SARNP: variants seen among roughly 807,000 people sequenced by gnomAD.
SARNP encodes SAP domain containing ribonucleoprotein, also known as SAP domain-containing ribonucleoprotein.
SARNP carries 5 observed loss-of-function variants against 38.1 expected under a neutral mutation model. The ratio of observed to expected loss-of-function variants is 0.13; its 90% CI spans 0.07 to 0.28. SARNP has a LOEUF of 0.28. Among genes scored for constraint, SARNP ranks in the 10% least tolerant of loss-of-function variants. The probability of loss-of-function intolerance (pLI) is 1.00; values close to 1 mark genes in which losing one functional copy is unlikely to be tolerated. For missense variants in SARNP, 180 were observed against 243.9 expected (o/e 0.74, Z 1.75); for synonymous variants, 84 against 80.6 (o/e 1.04, Z -0.23).
At chr12:55,790,929 C>T (rs1382205792) in intron 7 of SARNP, among the ~76,000 whole-genome samples, 1 of 151,992 alleles carries the variant, frequency 6.6e-6, no homozygotes, top group African/African-American at 2.4e-5. Context: ...TCATATTAGA[C>T]AAAAAGTTAA....
chr12:55,780,889 GT>G (rs2136189452), intron 9 of SARNP, among the ~76,000 whole-genome samples: 1 of 152,280 alleles, frequency 6.6e-6, no homozygotes, highest in African/African-American at 2.4e-5. Context: ...TAAACTGTTT[GT>G]TTCTGGAATT....
chr12:55,771,408 T>C (rs1274855843), intron 9 of SARNP, among the ~76,000 whole-genome samples: 3 of 152,198 alleles, frequency 2.0e-5, no homozygotes, highest in Non-Finnish European at 4.4e-5. Flanking sequence ...TGGATTCAAA[T>C]AAGAAACATC....
At chr12:55,792,261 A>G (rs1266933920) in intron 7 of SARNP, among the ~76,000 whole-genome samples, 1 of 152,212 alleles carries the variant, frequency 6.6e-6, no homozygotes, top group Non-Finnish European at 1.5e-5. Context: ...ACACTACAAG[A>G]AGATCTCTGG....
chr12:55,794,310 A>G, intron 7 of SARNP, 49 bp downstream of exon 7: 1 of 1,503,692 alleles, frequency 6.7e-7, no homozygotes, highest in Non-Finnish European at 9.2e-7. Flanking sequence ...TATACCAGAA[A>G]AGAAAGAATA....
In SARNP at chr12:55,814,126, G is replaced by A. The variant is rs541433059; in HGVS notation, c.36+3540C>T. 4.6e-5 allele frequency among the ~76,000 whole-genome samples: 7 copies of A among 152,200 alleles called. No homozygotes were observed. The East Asian group carries it at 9.7e-4, about 21-fold the overall frequency. On this transcript the variant is annotated intron_variant, in intron 1 of 10. Coordinates refer to ENST00000336133, the MANE Select transcript of SARNP (RefSeq NM_033082.4). ...GAGTTAGTAACTATGCTGGAGAGAC[G>A]GGCAGGGATATAATTTAAAGGTTTT... is the stretch of plus-strand genomic sequence containing the variant.
At chr12:55,800,451 GAAAGGA>G (rs1879944307) in intron 4 of SARNP, 105 bp downstream of exon 4, 1 of 768,534 alleles carries the variant, frequency 1.3e-6, no homozygotes, top group Non-Finnish European at 2.1e-6. Context: ...GACCTAATCA[GAAAGGA>G]AAAGGCCAAT....
At chr12:55,762,305 C>CTTT (rs199874808) in intron 9 of SARNP, among the ~76,000 whole-genome samples, 4 of 137,292 alleles carry the variant, frequency 2.9e-5, no homozygotes, top group African/African-American at 1.1e-4. Flanking sequence ...TTCAAACAAA[C>CTTT]TTTTTTTTTT....
At chr12:55,760,509 T>C (rs1429234158) in intron 10 of SARNP, 42 bp downstream of exon 10, 2 of 1,065,656 alleles carry the variant, frequency 1.9e-6, no homozygotes, top group East Asian at 2.4e-5. Flanking sequence ...TTCACTCTAA[T>C]TTCCCTTCAA....
chr12:55,802,162 T>C (rs528143586), intron 2 of SARNP, among the ~76,000 whole-genome samples: 2 of 152,218 alleles, frequency 1.3e-5, no homozygotes, highest in Non-Finnish European at 2.9e-5. Context: ...AGAACCCTTA[T>C]GTACTAGTAA....
chr12:55,777,967 T>C (rs1448232110), intron 9 of SARNP, among the ~76,000 whole-genome samples: 2 of 152,140 alleles, frequency 1.3e-5, no homozygotes, highest in Non-Finnish European at 2.9e-5. Flanking sequence ...ATTGACATCA[T>C]TGATTGGAAC....
At position 55,794,982 on chromosome 12, in the gene SARNP, A is replaced by G. The variant is rs1000670345; in HGVS notation, c.304-102T>C. The G allele has an allele frequency of 1.6e-5, 10 of 619,924 alleles. No individual in the cohort carries two copies. In the East Asian group the frequency reaches 2.4e-4, roughly 15 times the overall value. The allele number at this position is 619,924 out of a possible 1,614,324, so 38.4% of individuals were successfully genotyped here. On this transcript the variant is annotated intron_variant, in intron 5 of 10. Coordinates refer to ENST00000336133, the MANE Select transcript of SARNP (RefSeq NM_033082.4). ...TAAAAAAAAAAAAAAAAAAAAAAAAAAGAGTCTCACTCTGTCCCCCAGCCT... is the reference window on the plus strand; with the variant it reads ...TAAAAAAAAAAAAAAAAAAAAAAAAGAGAGTCTCACTCTGTCCCCCAGCCT...
chr12:55,761,642 A>G (rs1878678658), intron 9 of SARNP: 1 of 152,190 alleles, frequency 6.6e-6, no homozygotes, highest in Non-Finnish European at 1.5e-5. Context: ...ATTCATGTCC[A>G]ACACTGCTCA....
At chr12:55,789,178 A>G (rs2136194100) in intron 8 of SARNP, 35 bp from the exon 9 acceptor site, 2 of 1,471,050 alleles carry the variant, frequency 1.4e-6, no homozygotes, top group Middle Eastern at 1.8e-4. Context: ...ATAGTTTTAA[A>G]AAATCAAAAC....
chr12:55,797,328 G>C lies in SARNP; in HGVS notation c.252-1252C>G, dbSNP rs181088512. Among the ~76,000 whole-genome samples, 226 of 152,272 alleles carry C rather than the reference G, an allele frequency of 1.5e-3. 2 individuals carry two copies. Among genetic ancestry groups the C allele is most frequent in the African/African-American group, 5.3e-3 (219 of 41,556 alleles). On this transcript the variant is annotated intron_variant, in intron 4 of 10. Transcript: ENST00000336133. ...GATATGTAACCGCTTTAGCTGGTTG[G>C]GGGTTGGGAATCAAACTAGAAACAG...
intron 9 of SARNP, among the ~76,000 whole-genome samples, chr12:55,780,857 A>G (rs1879321940): frequency 6.6e-6 from 1 of 152,230 alleles, no homozygotes; most frequent in South Asian, 2.1e-4. Flanking sequence ...GCTACTCAGA[A>G]CAGTGTGCAA....
rs1878972153 is a variant in SARNP at position 55,770,397 on chromosome 12, T to G, written c.502-9757A>C. On this transcript the variant is annotated intron_variant, in intron 9 of 10. Transcript: ENST00000336133. ...GCCCACCACCACGCCCAGCTAGGTTTTTTTTTTTTTTTTCCGTATTTTTAG... is the reference window on the plus strand; with the variant it reads ...GCCCACCACCACGCCCAGCTAGGTTGTTTTTTTTTTTTTCCGTATTTTTAG... 6.6e-5 allele frequency among the ~76,000 whole-genome samples: 10 copies of G among 150,616 alleles called. No homozygotes were observed. In the South Asian group the frequency reaches 1.7e-3, roughly 25 times the overall value.
intron 9 of SARNP, among the ~76,000 whole-genome samples, chr12:55,781,631 G>A (rs759486221): frequency 1.6e-4 from 24 of 151,950 alleles, no homozygotes; most frequent in South Asian, 6.2e-4. Flanking sequence ...TCCTACCAAC[G>A]GTGATAAAAA....
At chr12:55,790,414 A>G (rs1879630596) in intron 8 of SARNP, among the ~76,000 whole-genome samples, 153 bp downstream of exon 8, 1 of 152,142 alleles carries the variant, frequency 6.6e-6, no homozygotes, top group African/African-American at 2.4e-5. Flanking sequence ...ATCTCCAACA[A>G]TTTTTTAAAT....
intron 9 of SARNP, 60 bp from the exon 10 acceptor site, chr12:55,760,700 G>T: frequency 8.9e-7 from 1 of 1,118,630 alleles, no homozygotes; most frequent in Non-Finnish European, 1.4e-6. Flanking sequence ...AAGTAAATGG[G>T]AATGAAATGA....
Sources: allele counts gnomAD v4.1 joint callset (sites outside exome capture counted in the v4.1 genomes callset), GRCh38; gene constraint gnomAD v4.1.1; transcripts MANE v1.5; gene names NCBI Gene and HGNC (gene_info 2026-07-23, HGNC 2026-07-21).